The following SH3RF1 variants were observed in gnomAD, a reference collection of about 807,000 sequenced individuals.
SH3RF1 encodes the protein SH3 domain containing ring finger 1.
In SH3RF1, 32 loss-of-function variants were observed where a neutral mutation model predicts 74.0. That is an observed-to-expected ratio of 0.43 (90% confidence interval 0.33 to 0.58). The LOEUF (loss-of-function observed/expected upper bound fraction) is 0.58. SH3RF1 is among the 20% of genes least tolerant of loss of function. The pLI is 0.05. For missense variants in SH3RF1, 954 were observed against 1,130.9 expected, an observed-to-expected ratio of 0.84 and a Z score of 2.24; for synonymous variants, 396 against 439.6, an observed-to-expected ratio of 0.90 and a Z score of 1.24.
intron 8 of SH3RF1, among the ~76,000 whole-genome samples, chr4:169,118,118 G>C (rs925980192): frequency 1.3e-5 from 2 of 152,270 alleles, no homozygotes; most frequent in African/African-American, 4.8e-5. Flanking sequence ...AACAAGCTAG[G>C]ATCATTCCCT....
chr4:169,178,197 C>T (rs1579121790), intron 2 of SH3RF1, among the ~76,000 whole-genome samples: 3 of 150,400 alleles, frequency 2.0e-5, no homozygotes, highest in African/African-American at 7.4e-5. Flanking sequence ...GCCGAGATTG[C>T]GCCAGCATGC....
At chr4:169,106,812 T>C in intron 11 of SH3RF1, 35 bp downstream of exon 11, 1 of 1,473,874 alleles carries the variant, frequency 6.8e-7, no homozygotes, top group Non-Finnish European at 9.1e-7. Flanking sequence ...TATTGTTCAT[T>C]TTTTAGTTTT....
At chr4:169,153,200 T>G (rs929688654) in intron 4 of SH3RF1, among the ~76,000 whole-genome samples, 2 of 152,150 alleles carry the variant, frequency 1.3e-5, no homozygotes, top group African/African-American at 2.4e-5. Flanking sequence ...CTCTGCGTGA[T>G]AGTCTAATCT....
At chr4:169,235,698 CT>C (rs926915483) in intron 2 of SH3RF1, among the ~76,000 whole-genome samples, 8 of 149,346 alleles carry the variant, frequency 5.4e-5, no homozygotes, top group East Asian at 3.9e-4. Flanking sequence ...TCCTTCTTTT[CT>C]TTTTTTTTTG....
At chr4:169,098,073 A>T (rs962413860) in intron 11 of SH3RF1, among the ~76,000 whole-genome samples, 3 of 152,254 alleles carry the variant, frequency 2.0e-5, no homozygotes, top group Non-Finnish European at 4.4e-5. Flanking sequence ...AAATACTCTA[A>T]GCCAGAACCA....
intron 4 of SH3RF1, among the ~76,000 whole-genome samples, chr4:169,138,376 C>G (rs1389516269): frequency 2.6e-5 from 4 of 152,138 alleles, no homozygotes; most frequent in Non-Finnish European, 2.9e-5. Context: ...CTCCTCCATC[C>G]CAAACACAAC....
rs1444099312 is a variant in SH3RF1 at position 169,173,021 on chromosome 4, A to G, written c.394-16342T>C. ...GAAAAAGTGTGTGAAATTCTAATAC[A>G]CTTGCTATAAATAGAGTATCTTGTT... On this transcript the variant is annotated intron_variant, in intron 2 of 11. Coordinates refer to ENST00000284637, the MANE Select transcript of SH3RF1 (RefSeq NM_020870.4). 2.0e-5 allele frequency among the ~76,000 whole-genome samples: 3 copies of G among 152,234 alleles called. No homozygotes were observed. In the East Asian group the frequency reaches 5.8e-4, roughly 29 times the overall value.
rs1047531638 is a variant in SH3RF1 at position 169,240,195 on chromosome 4, AT to A, written c.393+28624del. Among the ~76,000 whole-genome samples the A allele has an allele frequency of 5.3e-5, 8 of 151,334 alleles. No homozygotes were observed. The South Asian group carries it at 8.4e-4, about 16-fold the overall frequency. Reference sequence around the variant, plus strand: ...ATTATAATAAATTCAGTTTTACTTAATTTTTTTTTCTTTTTTTTTGAGACAG... The same window carrying A: ...ATTATAATAAATTCAGTTTTACTTAATTTTTTTTCTTTTTTTTTGAGACAG... On this transcript the variant is annotated intron_variant, in intron 2 of 11. Transcript: ENST00000284637.
rs1037442618 is a variant in SH3RF1 at position 169,095,029 on chromosome 4, C to G, written c.*1490G>C. 11 of 152,598 alleles carry G rather than the reference C, an allele frequency of 7.2e-5. No individual in the cohort carries two copies. Among genetic ancestry groups the G allele is most frequent in the Non-Finnish European group, 1.0e-4 (7 of 68,032 alleles). 9.5% of individuals were successfully genotyped at this position (152,598 alleles called of 1,614,324 possible). A position where few individuals can be genotyped will look rare whatever the true frequency, so the allele number is the denominator to read the frequency against. On this transcript the variant is annotated 3_prime_UTR_variant, in exon 12 of 12. Transcript: ENST00000284637. ...CTTTTGTTTTCCGGACTACCCAGAT[C>G]CATGACTGCGTGGCACCGTAATGAA...
At chr4:169,130,565 A>G (rs1420248520) in intron 5 of SH3RF1, among the ~76,000 whole-genome samples, 4 of 152,228 alleles carry the variant, frequency 2.6e-5, no homozygotes, top group African/African-American at 9.6e-5. Context: ...TCACCTGTCT[A>G]TCAATACGTT....
In SH3RF1 at chr4:169,106,951, C is replaced by T. The variant is rs781735533; in HGVS notation, c.2394G>A (p.Lys798=). The T allele has an allele frequency of 6.2e-7, 1 of 1,613,886 alleles. No homozygotes were observed. The highest frequency in any genetic ancestry group is 8.5e-7 in the Non-Finnish European group (1 of 1,180,024). ...GAACTGCGGAGTCCAGGGAACTTGC[C>T]TTCCTATGAAAAGCATCCTGGGCCA... ...AALAQDAFHR[K]ASSLDSAVPI... Residue 798 remains lysine, a synonymous_variant, in exon 11 of 12, where the codon AAG becomes AAA. Coordinates refer to ENST00000284637, the MANE Select transcript of SH3RF1 (RefSeq NM_020870.4).
At chr4:169,171,182 C>A (rs931656621) in intron 2 of SH3RF1, among the ~76,000 whole-genome samples, 12 of 152,158 alleles carry the variant, frequency 7.9e-5, no homozygotes, top group African/African-American at 2.9e-4. Flanking sequence ...GAGGCAAACA[C>A]CACGGTGTAA....
intron 4 of SH3RF1, among the ~76,000 whole-genome samples, chr4:169,141,324 T>A (rs907487446): frequency 6.6e-6 from 1 of 152,198 alleles, no homozygotes; most frequent in Non-Finnish European, 1.5e-5. Flanking sequence ...TTCATGAACA[T>A]CTTTGCATAT....
rs115317896 is a variant in SH3RF1 at position 169,171,361 on chromosome 4, C to G, written c.394-14682G>C. Among the ~76,000 whole-genome samples, 1,360 of 152,278 alleles carry G rather than the reference C, an allele frequency of 8.9e-3. 23 individuals carry two copies. The highest frequency in any genetic ancestry group is 0.031 in the African/African-American group (1,297 of 41,556). On this transcript the variant is annotated intron_variant, in intron 2 of 11. Transcript: ENST00000284637. ...ATTAAATTATGTTGAGTTTGTTTCT[C>G]TTTTAACACACCCAAGATCTCAGAA...
rs1470725365 is a variant in SH3RF1 at position 169,136,353 on chromosome 4, C to T, written c.1033G>A (p.Glu345Lys). ...SNPTAAARIS[E>K]LSGLSCSAPS... is the part of the protein sequence containing the mutation. Reference sequence around the variant, plus strand: ...GCACTGCAGGAGAGCCCAGACAGCTCGCTGATCCGTGCAGCAGCAGTGGGG... The same window carrying T: ...GCACTGCAGGAGAGCCCAGACAGCTTGCTGATCCGTGCAGCAGCAGTGGGG... Residue 345 changes from glutamate to lysine, a missense_variant, in exon 5 of 12, where the codon GAG becomes AAG. Physicochemically the swap from Glu to Lys is moderately conservative, Grantham distance 56 (BLOSUM62 1). This residue lies in a region of SH3RF1 where 854 missense variants were observed against 962.5 expected (regional missense o/e 0.89). Coordinates refer to ENST00000284637, the MANE Select transcript of SH3RF1 (RefSeq NM_020870.4). The T allele has an allele frequency of 1.3e-6, 2 of 1,522,304 alleles. No homozygotes were observed. The highest frequency in any genetic ancestry group is 1.8e-6 in the Non-Finnish European group (2 of 1,136,212). 94.3% of individuals were successfully genotyped at this position (1,522,304 alleles called of 1,614,324 possible).
At chr4:169,191,672 A>G (rs972760172) in intron 2 of SH3RF1, among the ~76,000 whole-genome samples, 3 of 152,234 alleles carry the variant, frequency 2.0e-5, no homozygotes, top group African/African-American at 7.2e-5. Context: ...CCACAATAGC[A>G]TGGTACTGGT....
In SH3RF1 at chr4:169,095,379, C is replaced by G. The variant is rs1579078759; in HGVS notation, c.*1140G>C. On this transcript the variant is annotated 3_prime_UTR_variant, in exon 12 of 12. Transcript: ENST00000284637. Reference sequence around the variant, plus strand: ...TTATTTTTACACCTCCTGAATTGGTCAATTCTGAGTACAAACTCATCTTAA... The same window carrying G: ...TTATTTTTACACCTCCTGAATTGGTGAATTCTGAGTACAAACTCATCTTAA... 1 of 152,562 alleles carries G rather than the reference C, an allele frequency of 6.6e-6. No individual in the cohort carries two copies. The highest frequency in any genetic ancestry group is 1.5e-5 in the Non-Finnish European group (1 of 68,048). 9.5% of individuals were successfully genotyped at this position (152,562 alleles called of 1,614,324 possible).
At chr4:169,195,675 T>G (rs535243654) in intron 2 of SH3RF1, among the ~76,000 whole-genome samples, 2 of 152,252 alleles carry the variant, frequency 1.3e-5, no homozygotes, top group Middle Eastern at 6.8e-3. Context: ...TCTTTTTCAG[T>G]GTGTTAATCT....
chr4:169,131,065 T>C (rs761139187), intron 5 of SH3RF1, among the ~76,000 whole-genome samples: 1 of 152,218 alleles, frequency 6.6e-6, no homozygotes, highest in Non-Finnish European at 1.5e-5. Context: ...CATAGTTTTC[T>C]CAGTTCCCAC....
Sources: gnomAD v4.1 joint callset for allele counts (sites outside exome capture counted in the v4.1 genomes callset) on GRCh38, gnomAD v4.1.1 for gene constraint, gnomAD v4.1.1 regional missense constraint, MANE v1.5 for transcripts, NCBI Gene and HGNC (gene_info 2026-07-23, HGNC 2026-07-21) for gene names.